The following LTA4H variants were observed in gnomAD, a reference collection of about 807,000 sequenced individuals.
The protein encoded by LTA4H is leukotriene A4 hydrolase, also known as leukotriene A-4 hydrolase.
In LTA4H, 59 loss-of-function variants were observed where a neutral mutation model predicts 89.8. That is an observed-to-expected ratio of 0.66 (90% CI 0.53 to 0.82). The LOEUF (loss-of-function observed/expected upper bound fraction) is 0.82. Among genes scored for constraint, LTA4H ranks in the 40% least tolerant of loss-of-function variants. The pLI is 0.00. For synonymous variants in LTA4H, 227 were observed against 253.1 expected (o/e 0.90, Z 0.98); for missense variants, 617 against 727.0 (o/e 0.85, Z 1.74).
At chr12:96,001,313 C>T (rs1175744275) in intron 18 of LTA4H, among the ~76,000 whole-genome samples, 9 of 152,030 alleles carry the variant, frequency 5.9e-5, no homozygotes, top group Admixed American at 5.9e-4. Context: ...AATAAGGCAC[C>T]AGTCCCAGCC....
intron 16 of LTA4H, among the ~76,000 whole-genome samples, chr12:96,006,038 G>A (rs144726521): frequency 3.6e-4 from 55 of 152,164 alleles, no homozygotes; most frequent in African/African-American, 1.2e-3. Context: ...GTGAGCCACC[G>A]TGCCTGGCTT....
intron 2 of LTA4H, 77 bp downstream of exon 2, chr12:96,028,978 G>T: frequency 2.4e-6 from 3 of 1,260,504 alleles, no homozygotes; most frequent in Non-Finnish European, 3.2e-6. Context: ...AATTTAAAAA[G>T]AAAAAATATT....
At chr12:96,037,488 C>A (rs1174044477), upstream of LTA4H, among the ~76,000 whole-genome samples, 2 of 152,114 alleles carry the variant, frequency 1.3e-5, no homozygotes, top group African/African-American at 2.4e-5. Context: ...AGTGAAAATT[C>A]TCTAGATTTG....
chr12:96,020,877 C>A, intron 6 of LTA4H: 1 of 479,850 alleles, frequency 2.1e-6, no homozygotes, highest in Non-Finnish European at 3.7e-6. Flanking sequence ...GCTCATTTTA[C>A]AATACTTGAA....
intron 16 of LTA4H, 71 bp downstream of exon 16, chr12:96,006,243 A>T: frequency 2.3e-6 from 2 of 869,634 alleles, no homozygotes; most frequent in Non-Finnish European, 1.8e-6. Context: ...ATCTTTTGCC[A>T]AGTTGGGTAG....
intron 14 of LTA4H, chr12:96,010,622 A>C (rs1302033066): frequency 1.3e-5 from 2 of 152,244 alleles, no homozygotes; most frequent in African/African-American, 2.4e-5. Context: ...AGGGAGCTAG[A>C]GTGTTAGGAG....
At position 96,006,447 on chromosome 12, in the gene LTA4H, C is replaced by T. The variant is rs115757951; in HGVS notation, c.1435-38G>A. On this transcript the variant is annotated intron_variant, in intron 15 of 18. Transcript: ENST00000228740. The stretch of plus-strand genomic sequence containing the variant: ...TTACCTAGTTATTTTTGTTCAAGTA[C>T]AATTTAATAATACTTATTGGTTTAT... 1,050 of 1,206,532 alleles carry T rather than the reference C, an allele frequency of 8.7e-4. 6 individuals are homozygous for T. In the African/African-American group the frequency reaches 0.013, roughly 15 times the overall value. 74.7% of individuals were successfully genotyped at this position (1,206,532 alleles called of 1,614,324 possible).
chr12:96,013,713 TC>T, intron 13 of LTA4H, 36 bp downstream of exon 13: 1 of 1,045,894 alleles, frequency 9.6e-7, no homozygotes, highest in Admixed American at 2.0e-5. Context: ...TAGAGATATA[TC>T]GAGCATGAAA....
intron 18 of LTA4H, 21 bp from the exon 19 acceptor site, chr12:96,001,127 G>A (rs1308535080): frequency 2.0e-6 from 3 of 1,492,008 alleles, no homozygotes; most frequent in African/African-American, 2.8e-5. Context: ...AGAAAAAATT[G>A]AAAAGAAAGA....
chr12:96,027,862 T>C (rs559071501), intron 2 of LTA4H: 2 of 173,812 alleles, frequency 1.2e-5, no homozygotes, highest in African/African-American at 2.4e-5. Flanking sequence ...TGTGATATCA[T>C]TTAATATTTT....
exon 1 of LTA4H, chr12:96,043,367 T>A (rs1950703448): frequency 1.3e-6 from 2 of 1,533,148 alleles, no homozygotes; most frequent in Non-Finnish European, 1.7e-6. Flanking sequence ...GATTTCTCTG[T>A]GGCAGCATGG....
Position 96,014,900 on chromosome 12 carries a change from C to T in LTA4H, c.1159G>A (p.Gly387Ser). The change falls in exon 12 of 19, where the codon GGC becomes AGC. Residue 387 changes from glycine (G) to serine (S), a missense_variant. By Grantham distance (56) the Gly-to-Ser change is moderately conservative (BLOSUM62 0). Transcript: ENST00000228740. Reference protein sequence around the residue: ...VAYSSVPYEKGFALLFYLEQL... With the variant: ...VAYSSVPYEKSFALLFYLEQL... ...TCAAGGTAAAAAAGTAAAGCAAAGC[C>T]CTTCTCATAGGGAACTGAAGAATAA... 1 of 1,613,690 alleles carries T rather than the reference C, an allele frequency of 6.2e-7. No homozygotes were observed. Among genetic ancestry groups the T allele is most frequent in the Non-Finnish European group, 8.5e-7 (1 of 1,179,816 alleles).
At chr12:96,023,822 A>T (rs978347292) in intron 4 of LTA4H, among the ~76,000 whole-genome samples, 1 of 152,248 alleles carries the variant, frequency 6.6e-6, no homozygotes, top group African/African-American at 2.4e-5. Context: ...ATAGAAACTT[A>T]AATCATGCAA....
rs200695133 is a variant in LTA4H, at chr12:96,014,822, G to GA, written c.1204+32dup. The GA allele has an allele frequency of 2.6e-3, 3,695 of 1,447,924 alleles. 1 individual carries two copies. The highest frequency in any genetic ancestry group is 3.8e-3 in the South Asian group (283 of 75,436). The allele number at this position is 1,447,924 out of a possible 1,614,324, so 89.7% of individuals were successfully genotyped here. The stretch of plus-strand genomic sequence containing the variant: ...CTAATTCTCACATTACCCTCAAAAA[G>GA]AAAAAAAAAATCATAAAATACCAAC... On this transcript the variant is annotated intron_variant, in intron 12 of 18. Coordinates refer to ENST00000228740, the MANE Select transcript of LTA4H (RefSeq NM_000895.3).
Position 96,006,374 on chromosome 12 carries a change from T to C in LTA4H, c.1470A>G (p.Thr490=). 6.2e-7 allele frequency: 1 copy of C among 1,611,290 alleles called. No individual in the cohort carries two copies. The highest frequency in any genetic ancestry group is 8.5e-7 in the Non-Finnish European group (1 of 1,178,432). ...GATGAGAAGAGAGATCCTTCAGGTC[T>C]GTGGCATTGAATGAATTTAAATCAT... ...KEDDLNSFNA[T]DLKDLSSHQL... is the part of the protein sequence containing the mutation. Residue 490 remains threonine, a synonymous_variant, in exon 16 of 19, where the codon ACA becomes ACG. Coordinates refer to ENST00000228740, the MANE Select transcript of LTA4H (RefSeq NM_000895.3).
In LTA4H at chr12:96,013,790, T is replaced by C. The variant is rs1405478253; in HGVS notation, c.1268A>G (p.Asp423Gly). ...EKFSYKSITT[D>G]DWKDFLYSYF... ...GGAATACAGGAAATCCTTCCAGTCA[T>C]CAGTAGTTATGCTCTTATAGGAAAA... Residue 423 changes from aspartate (D) to glycine (G), a missense_variant, in exon 13 of 19, where the codon GAT becomes GGT. This residue lies in a region of LTA4H where 290 missense variants were observed against 339.1 expected (regional missense o/e 0.86). Transcript: ENST00000228740. 6.3e-7 allele frequency: 1 copy of C among 1,589,148 alleles called. No homozygotes were observed. The highest frequency in any genetic ancestry group is 8.6e-7 in the Non-Finnish European group (1 of 1,164,356).
At position 96,029,057 on chromosome 12, in the gene LTA4H, G is replaced by A; in HGVS notation, c.288C>T (p.Ser96=). Residue 96 remains serine, a splice_region_variant and synonymous_variant, in exon 2 of 19, where the codon AGC becomes AGT. Transcript: ENST00000228740. ...PMEISLPIAL[S]KNQEIVIEIS... is the part of the protein sequence containing the mutation. ...GAGAAAGATCATAACATTCATACTT[G>A]CTCAAAGCGATAGGAAGAGAGATTT... 1 of 1,579,712 alleles carries A rather than the reference G, an allele frequency of 6.3e-7. No individual in the cohort carries two copies. The highest frequency in any genetic ancestry group is 1.2e-5 in the South Asian group (1 of 83,070).
intron 1 of LTA4H, 30 bp downstream of exon 1, chr12:96,035,331 G>A (rs1950627526): frequency 1.1e-5 from 17 of 1,576,546 alleles, no homozygotes; most frequent in Non-Finnish European, 1.4e-5. Flanking sequence ...GCCCGGGAGA[G>A]GCGGGCACTG....
intron 6 of LTA4H, chr12:96,020,679 A>G (rs998133844): frequency 9.8e-5 from 16 of 163,998 alleles, no homozygotes; most frequent in African/African-American, 3.8e-4. Flanking sequence ...AATATTGATA[A>G]AATATCTTAC....
Sources: gnomAD v4.1 joint callset for allele counts (sites outside exome capture counted in the v4.1 genomes callset) on GRCh38, gnomAD v4.1.1 for gene constraint, gnomAD v4.1.1 regional missense constraint, MANE v1.5 for transcripts, NCBI Gene and HGNC (gene_info 2026-07-23, HGNC 2026-07-21) for gene names.